The following PTPRG variants were observed in gnomAD, a reference collection of about 807,000 sequenced individuals.
The protein encoded by PTPRG is protein tyrosine phosphatase receptor type G, also known as receptor-type tyrosine-protein phosphatase gamma.
A neutral mutation model predicts 165.3 loss-of-function variants in PTPRG; 102 were observed. The ratio of observed to expected loss-of-function variants is 0.62; its 90% CI spans 0.53 to 0.73. The LOEUF is 0.73. Ranked by LOEUF, PTPRG falls within the 30% of genes least tolerant of loss-of-function variation. PTPRG has a pLI of 0.00. For missense variants in PTPRG, 1,866 were observed against 1,861.4 expected (o/e 1.00, Z -0.05); for synonymous variants, 675 against 669.5 (o/e 1.01, Z -0.13).
intron 2 of PTPRG, among the ~76,000 whole-genome samples, chr3:61,841,531 G>A (rs1340501989): frequency 2.0e-5 from 3 of 152,106 alleles, no homozygotes; most frequent in African/African-American, 4.8e-5. Flanking sequence ...TATTGAATCC[G>A]TTTCACTGTC....
At chr3:62,059,254 A>T (rs1478285234) in intron 4 of PTPRG, among the ~76,000 whole-genome samples, 1 of 152,174 alleles carries the variant, frequency 6.6e-6, no homozygotes, top group Non-Finnish European at 1.5e-5. Context: ...CATAAGTGGA[A>T]CTCACAAAAT....
At chr3:61,594,454 G>A (rs1023309609) in intron 1 of PTPRG, among the ~76,000 whole-genome samples, 1 of 151,838 alleles carries the variant, frequency 6.6e-6, no homozygotes, top group African/African-American at 2.4e-5. Context: ...CGTTGGGAGT[G>A]CAAGCAGAAG....
intron 2 of PTPRG, among the ~76,000 whole-genome samples, chr3:61,824,288 A>G (rs1214077124): frequency 2.6e-5 from 4 of 152,234 alleles, no homozygotes; most frequent in African/African-American, 9.6e-5. Flanking sequence ...GTAGATGAAT[A>G]TGTTAATTTT....
intron 10 of PTPRG, among the ~76,000 whole-genome samples, chr3:62,199,085 A>G (rs1700036739): frequency 6.6e-6 from 1 of 152,218 alleles, no homozygotes; most frequent in African/African-American, 2.4e-5. Flanking sequence ...TTGGCATTAA[A>G]TAGAGCTCCT....
chr3:62,066,400 A>T (rs573465843), intron 4 of PTPRG, among the ~76,000 whole-genome samples: 101 of 152,244 alleles, frequency 6.6e-4, no homozygotes, highest in Middle Eastern at 3.4e-3. Context: ...AATTCTATTG[A>T]ATTTATAGGT....
intron 2 of PTPRG, among the ~76,000 whole-genome samples, chr3:61,979,551 C>G (rs573122349): frequency 2.0e-5 from 1 of 48,786 alleles, no homozygotes; most frequent in East Asian, 5.3e-4. Context: ...GATTAGGTGA[C>G]TTTTATGACT....
At chr3:62,154,935 C>T (rs1442386333) in intron 6 of PTPRG, among the ~76,000 whole-genome samples, 1 of 152,164 alleles carries the variant, frequency 6.6e-6, no homozygotes, top group African/African-American at 2.4e-5. Context: ...ACTCTTTACA[C>T]AGCCCAGGAA....
chr3:62,034,361 C>T (rs576330040), intron 4 of PTPRG, among the ~76,000 whole-genome samples: 49 of 152,318 alleles, frequency 3.2e-4, no homozygotes, highest in Admixed American at 7.8e-4. Context: ...TATTTTCATA[C>T]ACATCATGTC....
intron 1 of PTPRG, among the ~76,000 whole-genome samples, chr3:61,707,270 A>G (rs2031311390): frequency 6.6e-6 from 1 of 152,242 alleles, no homozygotes; most frequent in South Asian, 2.1e-4. Flanking sequence ...TGTATTCATC[A>G]GTGTTCTCCA....
intron 2 of PTPRG, among the ~76,000 whole-genome samples, chr3:61,918,661 T>C (rs1473967298): frequency 6.6e-6 from 1 of 152,198 alleles, no homozygotes; most frequent in East Asian, 1.9e-4. Flanking sequence ...GTGGCAAGGA[T>C]AGCTTCCTTT....
intron 1 of PTPRG, among the ~76,000 whole-genome samples, chr3:61,694,008 C>G (rs1197983244): frequency 4.6e-5 from 3 of 65,484 alleles, no homozygotes; most frequent in Non-Finnish European, 9.6e-5. Flanking sequence ...ACTCCATCTC[C>G]AAAAAAAAAA....
At chr3:61,931,977 C>A (rs145208150) in intron 2 of PTPRG, among the ~76,000 whole-genome samples, 168 of 152,214 alleles carry the variant, frequency 1.1e-3, no homozygotes, top group African/African-American at 3.9e-3. Flanking sequence ...GAATGGTCAA[C>A]CTTTATTGTA....
chr3:61,908,918 C>T (rs536322602), intron 2 of PTPRG, among the ~76,000 whole-genome samples: 1 of 152,250 alleles, frequency 6.6e-6, no homozygotes, highest in East Asian at 1.9e-4. Flanking sequence ...AAATACTGCC[C>T]CCCATTCCAA....
intron 2 of PTPRG, among the ~76,000 whole-genome samples, chr3:61,819,239 G>A (rs2035884931): frequency 6.6e-6 from 1 of 152,188 alleles, no homozygotes; most frequent in Admixed American, 6.5e-5. Context: ...GATTGTGAGT[G>A]TGCCAGAAAT....
chr3:61,914,419 C>T (rs141683352), intron 2 of PTPRG, among the ~76,000 whole-genome samples: 1 of 152,260 alleles, frequency 6.6e-6, no homozygotes, highest in Non-Finnish European at 1.5e-5. Context: ...AATGTGACTC[C>T]CGGCAATATT....
rs1389105967 is a variant in PTPRG at position 62,255,899 on chromosome 3, G to C, written c.2559+684G>C. On this transcript the variant is annotated intron_variant, in intron 16 of 29. Coordinates refer to ENST00000474889, the MANE Select transcript of PTPRG (RefSeq NM_002841.4). The surrounding 1 kb of genome is among the most constrained non-coding windows in gnomAD (Gnocchi z 4.0). The stretch of plus-strand genomic sequence containing the variant: ...TAGGAAACAAGGTAGAGAGAGGCAT[G>C]TACCACCCTGCCAACTCTGGGTTCT... Among the ~76,000 whole-genome samples, 1 of 152,154 alleles carries C rather than the reference G, an allele frequency of 6.6e-6. No homozygotes were observed. The highest frequency in any genetic ancestry group is 2.4e-5 in the African/African-American group (1 of 41,426).
At chr3:61,886,072 G>A (rs1215770714) in intron 2 of PTPRG, among the ~76,000 whole-genome samples, 1 of 151,900 alleles carries the variant, frequency 6.6e-6, no homozygotes, top group African/African-American at 2.4e-5. Context: ...GACATGTCAT[G>A]TACTACTTGG....
chr3:62,178,222 G>GATGC (rs1705509642), intron 8 of PTPRG, among the ~76,000 whole-genome samples: 1 of 152,028 alleles, frequency 6.6e-6, no homozygotes, highest in Non-Finnish European at 1.5e-5. Context: ...AGGATGGATG[G>GATGC]ATGCATGGAT....
At chr3:61,597,262 A>G (rs2106836855) in intron 1 of PTPRG, among the ~76,000 whole-genome samples, 1 of 152,312 alleles carries the variant, frequency 6.6e-6, no homozygotes, top group East Asian at 1.9e-4. Flanking sequence ...TTTGGGCGAC[A>G]GATTCAGACC....
Sources: allele counts gnomAD v4.1 joint callset (sites outside exome capture counted in the v4.1 genomes callset), GRCh38; gene constraint gnomAD v4.1.1; non-coding constraint Gnocchi (gnomAD v3.1); transcripts MANE v1.5; gene names NCBI Gene and HGNC (gene_info 2026-07-23, HGNC 2026-07-21).